KDM4C: variants seen among roughly 807,000 people sequenced by gnomAD.
KDM4C encodes the protein lysine-specific demethylase 4C.
A neutral mutation model predicts 129.3 loss-of-function variants in KDM4C; 81 were observed. That is an observed-to-expected ratio of 0.63 (90% CI 0.52 to 0.75). The LOEUF (loss-of-function observed/expected upper bound fraction) is 0.75. Ranked by LOEUF, KDM4C falls within the 30% of genes least tolerant of loss-of-function variation. KDM4C has a pLI of 0.00. For missense variants in KDM4C, 1,457 were observed against 1,304.0 expected (o/e 1.12, Z -1.81); for synonymous variants, 573 against 456.1 (o/e 1.26, Z -3.26).
intron 4 of KDM4C, among the ~76,000 whole-genome samples, chr9:6,844,086 C>T (rs534697322): frequency 6.6e-6 from 1 of 152,276 alleles, no homozygotes; most frequent in African/African-American, 2.4e-5. Context: ...TTCATCCTGC[C>T]TCAGCCTCCT....
chr9:6,769,233 A>G (rs1304650352), intron 1 of KDM4C, among the ~76,000 whole-genome samples: 1 of 152,032 alleles, frequency 6.6e-6, no homozygotes, highest in Non-Finnish European at 1.5e-5. Context: ...AATCTGGAAC[A>G]TCTTAAATAA....
intron 15 of KDM4C, among the ~76,000 whole-genome samples, chr9:7,030,740 T>C (rs1826586208): frequency 6.6e-6 from 1 of 152,250 alleles, no homozygotes; most frequent in African/African-American, 2.4e-5. Flanking sequence ...TTACAGTTAA[T>C]TCAGGAGAAT....
chr9:7,075,578 C>G lies in KDM4C; in HGVS notation c.2424+26378C>G, dbSNP rs73407413. Among the ~76,000 whole-genome samples, 522 of 152,298 alleles carry G rather than the reference C, an allele frequency of 3.4e-3. 4 individuals carry two copies. Among genetic ancestry groups the G allele is most frequent in the African/African-American group, 0.012 (489 of 41,546 alleles). ...ATGTGATCTCTTTGCACTCCCACCC[C>G]ACTTCTGCTTTCCACAGTGAGTTGA... is the stretch of plus-strand genomic sequence containing the variant. On this transcript the variant is annotated intron_variant, in intron 17 of 21. Transcript: ENST00000381309.
At chr9:6,984,464 C>G (rs1377940729) in intron 10 of KDM4C, 60 bp downstream of exon 10, 3 of 1,083,830 alleles carry the variant, frequency 2.8e-6, no homozygotes, top group Non-Finnish European at 4.2e-6. Context: ...GATCAGATGT[C>G]TTAAATGGAT....
intron 20 of KDM4C, among the ~76,000 whole-genome samples, chr9:7,166,247 C>G (rs1353316393): frequency 6.6e-6 from 1 of 152,128 alleles, no homozygotes; most frequent in Non-Finnish European, 1.5e-5. Context: ...TCAGTTTCAA[C>G]AGAGAAATTG....
intron 11 of KDM4C, among the ~76,000 whole-genome samples, chr9:6,989,070 G>C (rs1818265367): frequency 6.6e-6 from 1 of 152,184 alleles, no homozygotes; most frequent in Non-Finnish European, 1.5e-5. Flanking sequence ...CAACGGTATG[G>C]TGCATAGTAG....
intron 4 of KDM4C, among the ~76,000 whole-genome samples, chr9:6,843,113 G>A (rs1837267526): frequency 6.6e-6 from 1 of 152,086 alleles, no homozygotes; most frequent in South Asian, 2.1e-4. Context: ...TATTTTTATA[G>A]AGATGGGGTT....
intron 3 of KDM4C, among the ~76,000 whole-genome samples, chr9:6,806,900 C>T (rs1328114244): frequency 6.6e-6 from 1 of 151,610 alleles, no homozygotes; most frequent in African/African-American, 2.4e-5. Flanking sequence ...CTCTCCCTCT[C>T]CCTCTCCCTC....
At chr9:6,752,356 A>G (rs1353430745) in intron 1 of KDM4C, among the ~76,000 whole-genome samples, 1 of 148,188 alleles carries the variant, frequency 6.7e-6, no homozygotes, top group African/African-American at 2.5e-5. Context: ...AAAAAAAAAA[A>G]AAAAATTAAG....
chr9:6,880,155 C>T (rs906212854), intron 6 of KDM4C, 94 bp downstream of exon 6: 33 of 660,372 alleles, frequency 5.0e-5, no homozygotes, highest in Non-Finnish European at 7.0e-5. Flanking sequence ...CAATATAGAC[C>T]GTTACTCTGT....
chr9:7,054,509 G>T (rs948825994), intron 17 of KDM4C, among the ~76,000 whole-genome samples: 6 of 152,176 alleles, frequency 3.9e-5, no homozygotes, highest in Non-Finnish European at 7.3e-5. Context: ...GATTAAGGAT[G>T]GGACTTTAGA....
intron 1 of KDM4C, among the ~76,000 whole-genome samples, chr9:6,788,199 C>T (rs1355669560): frequency 1.3e-5 from 2 of 152,184 alleles, no homozygotes; most frequent in Admixed American, 6.5e-5. Context: ...CTTGGTTCTT[C>T]TTCATAGCAT....
chr9:6,889,211 T>TTGTGTC (rs1845740628), intron 7 of KDM4C, among the ~76,000 whole-genome samples: 3 of 61,552 alleles, frequency 4.9e-5, no homozygotes, highest in Non-Finnish European at 8.9e-5. Flanking sequence ...GGCCTTCTTT[T>TTGTGTC]TGTGTGTGTG....
chr9:6,770,989 T>C (rs981612388), intron 1 of KDM4C, among the ~76,000 whole-genome samples: 6 of 150,742 alleles, frequency 4.0e-5, no homozygotes, highest in African/African-American at 1.2e-4. Flanking sequence ...TTGGCCAAGC[T>C]GGTCTCAAAC....
At chr9:6,918,752 T>C (rs1820787484) in intron 8 of KDM4C, among the ~76,000 whole-genome samples, 1 of 152,198 alleles carries the variant, frequency 6.6e-6, no homozygotes, top group African/African-American at 2.4e-5. Flanking sequence ...TGGTTTTGAT[T>C]TGCATTTCTC....
rs180780330 is a variant in KDM4C at position 7,154,548 on chromosome 9, A to T, written c.2782-10690A>T. On this transcript the variant is annotated intron_variant, in intron 19 of 21. Coordinates refer to ENST00000381309, the MANE Select transcript of KDM4C (RefSeq NM_015061.6). Reference sequence around the variant, plus strand: ...GAAGGGTCTCGTAAGAGTTCCAAGAACTCAGTGACTTCAGAATTCAGGTAA... The same window carrying T: ...GAAGGGTCTCGTAAGAGTTCCAAGATCTCAGTGACTTCAGAATTCAGGTAA... Among the ~76,000 whole-genome samples, 8 of 152,256 alleles carry T rather than the reference A, an allele frequency of 5.3e-5. No homozygotes were observed. In the East Asian group the frequency reaches 5.8e-4, roughly 11 times the overall value.
intron 8 of KDM4C, among the ~76,000 whole-genome samples, chr9:6,931,308 A>G (rs546414535): frequency 1.1e-4 from 16 of 152,274 alleles, no homozygotes; most frequent in Admixed American, 7.8e-4. Flanking sequence ...ATTGGTTAAC[A>G]GTGATACACA....
At chr9:6,883,849 C>T (rs1390768822) in intron 6 of KDM4C, among the ~76,000 whole-genome samples, 1 of 151,794 alleles carries the variant, frequency 6.6e-6, no homozygotes, top group East Asian at 1.9e-4. Flanking sequence ...GTGACTTGTG[C>T]GTAGATTATC....
At chr9:6,963,780 T>C (rs1830425399) in intron 8 of KDM4C, among the ~76,000 whole-genome samples, 1 of 152,208 alleles carries the variant, frequency 6.6e-6, no homozygotes, top group Admixed American at 6.5e-5. Flanking sequence ...TTAGACTACC[T>C]CAAGGCCCCT....
Sources: gnomAD v4.1 joint callset for allele counts (sites outside exome capture counted in the v4.1 genomes callset) on GRCh38, gnomAD v4.1.1 for gene constraint, MANE v1.5 for transcripts, NCBI Gene and HGNC (gene_info 2026-07-23, HGNC 2026-07-21) for gene names.